PXDNL: variants seen among roughly 807,000 people sequenced by gnomAD.
PXDNL encodes peroxidasin like, also known as probable oxidoreductase PXDNL.
A neutral mutation model predicts 150.8 loss-of-function variants in PXDNL; 145 were observed. The observed-to-expected ratio is 0.96, with a 90% CI of 0.84 to 1.10. The LOEUF is 1.10. Among genes scored for constraint, PXDNL ranks in the 50% least tolerant of loss-of-function variants. The pLI, the probability that PXDNL is intolerant of heterozygous loss-of-function variation, is 0.00. For missense variants in PXDNL, 2,087 were observed against 1,873.9 expected (o/e 1.11, Z -2.10); for synonymous variants, 757 against 725.7 (o/e 1.04, Z -0.69).
intron 2 of PXDNL, among the ~76,000 whole-genome samples, chr8:51,598,862 G>C (rs1022665473): frequency 3.3e-5 from 5 of 151,744 alleles, no homozygotes; most frequent in African/African-American, 9.7e-5. Context: ...GAATCCATTT[G>C]GTACAAGGCT....
chr8:51,665,924 TATGCG>T (rs1202656016), intron 1 of PXDNL, among the ~76,000 whole-genome samples: 1 of 152,246 alleles, frequency 6.6e-6, no homozygotes, highest in African/African-American at 2.4e-5. Context: ...AACTGTCAAC[TATGCG>T]ATGTTCTTTT....
At chr8:51,682,549 G>C (rs1815774763) in intron 1 of PXDNL, among the ~76,000 whole-genome samples, 1 of 152,172 alleles carries the variant, frequency 6.6e-6, no homozygotes, top group South Asian at 2.1e-4. Context: ...GTTTGCTGCT[G>C]AATGACTGGG....
intron 5 of PXDNL, among the ~76,000 whole-genome samples, chr8:51,489,533 G>C (rs903990362): frequency 6.6e-6 from 1 of 152,146 alleles, no homozygotes; most frequent in African/African-American, 2.4e-5. Context: ...GCCCAGGCTA[G>C]TCTGGAACTC....
chr8:51,544,055 C>T (rs61283765), intron 4 of PXDNL, among the ~76,000 whole-genome samples: 2,834 of 152,242 alleles, frequency 0.019, 37 homozygotes, highest in African/African-American at 0.034. Flanking sequence ...ATTAAAGAGT[C>T]CTCTGTGCCA....
chr8:51,457,703 C>A (rs574386777), intron 8 of PXDNL, 36 bp from the exon 9 acceptor site: 1 of 1,538,052 alleles, frequency 6.5e-7, no homozygotes, highest in East Asian at 2.3e-5. Context: ...ATTATTTAAT[C>A]CCATTCATGT....
At chr8:51,380,141 T>A (rs1049198770) in intron 17 of PXDNL, among the ~76,000 whole-genome samples, 4 of 138,192 alleles carry the variant, frequency 2.9e-5, no homozygotes, top group African/African-American at 1.1e-4. Context: ...AAAAAAAAAA[T>A]AACAAAAAAA....
In PXDNL at chr8:51,422,554, CA is replaced by C. The variant is rs1308345576; in HGVS notation, c.1795+1020del. 4.6e-5 allele frequency among the ~76,000 whole-genome samples: 7 copies of C among 152,216 alleles called. No homozygotes were observed. In the East Asian group the frequency reaches 7.7e-4, roughly 17 times the overall value. On this transcript the variant is annotated intron_variant, in intron 14 of 22. Coordinates refer to ENST00000356297, the MANE Select transcript of PXDNL (RefSeq NM_144651.5). Reference sequence around the variant, plus strand: ...TGAAATATTATTGTACGTAATGAAACAGTTACCCAATCTCTTCTATAAACCC... The same window carrying C: ...TGAAATATTATTGTACGTAATGAAACGTTACCCAATCTCTTCTATAAACCC...
In PXDNL at chr8:51,372,061, C is replaced by G; in HGVS notation, c.3713G>C (p.Gly1238Ala). The G allele has an allele frequency of 3.1e-6, 5 of 1,593,462 alleles. No individual in the cohort carries two copies. The highest frequency in any genetic ancestry group is 4.3e-6 in the Non-Finnish European group (5 of 1,169,702). ...AGTGAGTTGTGCCGGGGTAAATACT[C>G]CAGGGTTTTCATACCAGAACCTGGT... ...DGDRFWYENP[G>A]VFTPAQLTQL... The change falls in exon 19 of 23, where the codon GGA becomes GCA. Residue 1238 changes from glycine (G) to alanine (A), a missense_variant. Physicochemically the swap from Gly to Ala is moderately conservative, Grantham distance 60. Coordinates refer to ENST00000356297, the MANE Select transcript of PXDNL (RefSeq NM_144651.5).
intron 4 of PXDNL, among the ~76,000 whole-genome samples, chr8:51,533,870 T>C (rs550691958): frequency 0.064 from 9,314 of 144,558 alleles, 518 homozygotes; most frequent in East Asian, 0.19. Flanking sequence ...CTTGGCCCCC[T>C]AAAGTGCCAA....
intron 8 of PXDNL, among the ~76,000 whole-genome samples, chr8:51,471,677 T>C (rs1298025469): frequency 6.6e-6 from 1 of 150,690 alleles, no homozygotes; most frequent in Non-Finnish European, 1.5e-5. Flanking sequence ...TGGAAATGCA[T>C]AATTTTTTTT....
At chr8:51,637,664 AGAAAT>A (rs1434608248) in intron 2 of PXDNL, among the ~76,000 whole-genome samples, 1 of 152,230 alleles carries the variant, frequency 6.6e-6, no homozygotes, top group African/African-American at 2.4e-5. Context: ...AAGAGTAAAA[AGAAAT>A]GAACAAAGCC....
intron 4 of PXDNL, among the ~76,000 whole-genome samples, chr8:51,512,447 C>G (rs1403820272): frequency 6.6e-6 from 1 of 152,164 alleles, no homozygotes. Flanking sequence ...AAGTGAAGAT[C>G]TCTTTGGAAG....
chr8:51,789,216 G>GTT (rs2129254350), intron 1 of PXDNL, among the ~76,000 whole-genome samples: 1 of 146,852 alleles, frequency 6.8e-6, no homozygotes, highest in South Asian at 2.2e-4. Context: ...TTTTTGCTGT[G>GTT]TTTTTATGTT....
chr8:51,539,017 A>G (rs1812152773), intron 4 of PXDNL, among the ~76,000 whole-genome samples: 1 of 152,122 alleles, frequency 6.6e-6, no homozygotes, highest in Non-Finnish European at 1.5e-5. Context: ...CTGAGTTGAA[A>G]TCGTGTAAGC....
At chr8:51,604,914 A>G (rs963564291) in intron 2 of PXDNL, among the ~76,000 whole-genome samples, 1 of 152,216 alleles carries the variant, frequency 6.6e-6, no homozygotes, top group African/African-American at 2.4e-5. Context: ...TAGAACTATA[A>G]TGCTACCATG....
At chr8:51,604,924 G>A (rs1813806716) in intron 2 of PXDNL, among the ~76,000 whole-genome samples, 1 of 152,044 alleles carries the variant, frequency 6.6e-6, no homozygotes, top group African/African-American at 2.4e-5. Flanking sequence ...ATGCTACCAT[G>A]TATCACATAA....
intron 1 of PXDNL, among the ~76,000 whole-genome samples, chr8:51,667,918 C>T (rs972482583): frequency 1.3e-5 from 2 of 152,172 alleles, no homozygotes; most frequent in Non-Finnish European, 2.9e-5. Flanking sequence ...CTTCCATCTG[C>T]ATTCCATGCC....
chr8:51,611,685 C>A (rs61136207), intron 2 of PXDNL, among the ~76,000 whole-genome samples: 3,639 of 151,902 alleles, frequency 0.024, 139 homozygotes, highest in African/African-American at 0.084. Flanking sequence ...GCACGGCACT[C>A]TGGAGGAGGG....
In PXDNL at chr8:51,551,890, C is replaced by A. The variant is rs201129529; in HGVS notation, c.380+4950G>T. On this transcript the variant is annotated intron_variant, in intron 4 of 22. Coordinates refer to ENST00000356297, the MANE Select transcript of PXDNL (RefSeq NM_144651.5). ...AGCAATCAGCAAAGTAAAAGACAGC[C>A]CACAGAGTGGGAGAAAATATTTGCA... 7.9e-5 allele frequency among the ~76,000 whole-genome samples: 12 copies of A among 152,268 alleles called. No individual in the cohort carries two copies. In the East Asian group the frequency reaches 2.1e-3, roughly 27 times the overall value.
Sources: gnomAD v4.1 joint callset for allele counts (sites outside exome capture counted in the v4.1 genomes callset) on GRCh38, gnomAD v4.1.1 for gene constraint, MANE v1.5 for transcripts, NCBI Gene and HGNC (gene_info 2026-07-23, HGNC 2026-07-21) for gene names.